The following AZIN2 variants were observed in gnomAD, a reference collection of about 807,000 sequenced individuals.
AZIN2 encodes the protein ODC antizyme inhibitor-2.
A neutral mutation model predicts 47.8 loss-of-function variants in AZIN2; 28 were observed. That is an observed-to-expected ratio of 0.59 (90% CI 0.43 to 0.80). The LOEUF (loss-of-function observed/expected upper bound fraction) is 0.80. AZIN2 is among the 30% of genes least tolerant of loss of function. The pLI is 0.00. For synonymous variants in AZIN2, 221 were observed against 239.4 expected, an observed-to-expected ratio of 0.92 and a Z score of 0.71; for missense variants, 535 against 582.5, an observed-to-expected ratio of 0.92 and a Z score of 0.84.
At chr1:33,144,796 G>A in the AZIN2 span, among the ~76,000 whole-genome samples, 2 of 152,114 alleles carry the variant, frequency 1.3e-5, no homozygotes, top group Non-Finnish European at 2.9e-5. Flanking sequence ...TTCCATACCC[G>A]TCACAGCCCA....
chr1:33,110,073 G>A (rs912296781), intron 10 of AZIN2, among the ~76,000 whole-genome samples: 9 of 152,146 alleles, frequency 5.9e-5, no homozygotes, highest in African/African-American at 1.7e-4. Context: ...TAGTGTAAGA[G>A]TCAACTAGAG....
At position 33,117,947 on chromosome 1, in the gene AZIN2, C is replaced by A. The variant is rs148829590; in HGVS notation, c.1075C>A (p.Pro359Thr). 1 of 1,613,620 alleles carries A rather than the reference C, an allele frequency of 6.2e-7. No individual in the cohort carries two copies. Among genetic ancestry groups the A allele is most frequent in the African/African-American group, 1.3e-5 (1 of 74,914 alleles). ...QPLYSSSLWG[P>T]AVDGCDCVAE... ...CCTGTACAGCAGCAGCCTGTGGGGC[C>A]CGGCGGTTGATGGCTGTGATTGCGT... The change falls in exon 11 of 12, where the codon CCG becomes ACG. Residue 359 changes from proline (P) to threonine (T), a missense_variant. Physicochemically the swap from Pro to Thr is conservative, Grantham distance 38 (BLOSUM62 -1). This residue lies in a region of AZIN2 where 4 missense variants were observed against 17.7 expected (regional missense o/e 0.23). Coordinates refer to ENST00000294517, the MANE Select transcript of AZIN2 (RefSeq NM_052998.4).
chr1:33,134,372 T>A, the AZIN2 span, among the ~76,000 whole-genome samples: 1,113 of 152,244 alleles, frequency 7.3e-3, 9 homozygotes, highest in Admixed American at 0.012. Flanking sequence ...AAGAATTAAG[T>A]GCAGGTGGAC....
In AZIN2 at chr1:33,085,776, G is replaced by A. The variant is rs116158346; in HGVS notation, c.279+1649G>A. On this transcript the variant is annotated intron_variant, in intron 5 of 11. Coordinates refer to ENST00000294517, the MANE Select transcript of AZIN2 (RefSeq NM_052998.4). Reference sequence around the variant, plus strand: ...GGCTAGTTCATGCTTTGCACACCTCGTTTTGTGCATGTCTTCCACGAAGCT... The same window carrying A: ...GGCTAGTTCATGCTTTGCACACCTCATTTTGTGCATGTCTTCCACGAAGCT... Among the ~76,000 whole-genome samples, 557 of 152,264 alleles carry A rather than the reference G, an allele frequency of 3.7e-3. 2 individuals are homozygous for A. Among genetic ancestry groups the A allele is most frequent in the African/African-American group, 0.012 (501 of 41,558 alleles).
chr1:33,089,514 G>A (rs1314853523), intron 5 of AZIN2, among the ~76,000 whole-genome samples: 5 of 152,172 alleles, frequency 3.3e-5, no homozygotes, highest in Admixed American at 3.3e-4. Context: ...TGCTAACACT[G>A]CTTCTTCCTC....
At chr1:33,146,970 G>C in the AZIN2 span, 1 of 608,660 alleles carries the variant, frequency 1.6e-6, no homozygotes, top group Non-Finnish European at 2.9e-6. Flanking sequence ...CCCTATCAAG[G>C]TCAGAGCTAC....
chr1:33,128,688 G>T, the AZIN2 span, among the ~76,000 whole-genome samples: 2 of 152,072 alleles, frequency 1.3e-5, no homozygotes, highest in Non-Finnish European at 2.9e-5. Context: ...CTGCTCTCTG[G>T]GCATTTTTGT....
rs750459884 is a variant in AZIN2 at position 33,084,040 on chromosome 1, G to A, written c.192G>A (p.Arg64=). The change falls in exon 5 of 12, where the codon CGG becomes CGA. Residue 64 remains arginine (R), a synonymous_variant. Coordinates refer to ENST00000294517, the MANE Select transcript of AZIN2 (RefSeq NM_052998.4). ...TTCTGAAGTGCCTGCCACGAGTCCG[G>A]CCCTTTTATGCTGTCAAGTGCAACA... is the stretch of plus-strand genomic sequence containing the variant. The part of the protein sequence containing the change: ...FCFLKCLPRV[R]PFYAVKCNSS... 8 of 1,614,016 alleles carry A rather than the reference G, an allele frequency of 5.0e-6. No homozygotes were observed. In the Admixed American group the frequency reaches 1.2e-4, roughly 24 times the overall value.
chr1:33,166,729 G>A, the AZIN2 span, among the ~76,000 whole-genome samples: 3 of 152,028 alleles, frequency 2.0e-5, no homozygotes, highest in Non-Finnish European at 2.9e-5. Flanking sequence ...TGACTCCTGC[G>A]ATGAATAACA....
At position 33,088,216 on chromosome 1, in the gene AZIN2, G is replaced by A. The variant is rs978089854; in HGVS notation, c.280-3834G>A. ...TGATACGAGGAGATGCCTGGAACCC[G>A]GCATGTTCAAATGTGCTCCTGATGT... On this transcript the variant is annotated intron_variant, in intron 5 of 11. Coordinates refer to ENST00000294517, the MANE Select transcript of AZIN2 (RefSeq NM_052998.4). Among the ~76,000 whole-genome samples, 9 of 152,142 alleles carry A rather than the reference G, an allele frequency of 5.9e-5. No individual in the cohort carries two copies. The East Asian group carries it at 9.6e-4, about 16-fold the overall frequency.
At chr1:33,096,638 T>C in intron 8 of AZIN2, 69 bp from the exon 9 acceptor site, 9 of 1,559,702 alleles carry the variant, frequency 5.8e-6, no homozygotes, top group Non-Finnish European at 7.9e-6. Context: ...GACTTGGAGC[T>C]GTAGCAAGTC....
At chr1:33,158,047 G>C in the AZIN2 span, among the ~76,000 whole-genome samples, 2 of 152,272 alleles carry the variant, frequency 1.3e-5, no homozygotes, top group African/African-American at 4.8e-5. Context: ...GAGCCACCAC[G>C]CCCAGCCATC....
chr1:33,085,456 C>G (rs141526435), intron 5 of AZIN2, among the ~76,000 whole-genome samples: 1,909 of 152,050 alleles, frequency 0.013, 27 homozygotes, highest in Non-Finnish European at 0.019. Context: ...GCAGCAGGAA[C>G]AGCAGGTGCA....
chr1:33,083,950 T>C lies in AZIN2; in HGVS notation c.106-4T>C, dbSNP rs369937478. On this transcript the variant is annotated splice_polypyrimidine_tract_variant and splice_region_variant and intron_variant, in intron 4 of 11. Transcript: ENST00000294517. ...CTCACATTCATCCACTTCTTGTCAT[T>C]CAGGACGAGGTAGCTGCCTTCTTCG... 1 of 1,613,960 alleles carries C rather than the reference T, an allele frequency of 6.2e-7. No homozygotes were observed. Among genetic ancestry groups the C allele is most frequent in the African/African-American group, 1.3e-5 (1 of 74,942 alleles).
chr1:33,082,789 G>C (rs1420434677), intron 4 of AZIN2: 1 of 163,700 alleles, frequency 6.1e-6, no homozygotes, highest in Non-Finnish European at 1.4e-5. Flanking sequence ...ATCTGAATTT[G>C]GCAATTCTCC....
At chr1:33,165,805 T>G in the AZIN2 span, 6 of 355,838 alleles carry the variant, frequency 1.7e-5, no homozygotes, top group East Asian at 1.3e-4. This position sits in a 1 kb window ranked among gnomAD's most constrained non-coding sequence, Gnocchi z 4.0. Context: ...TTGGCCACCC[T>G]AGAGGCTTCT....
intron 5 of AZIN2, among the ~76,000 whole-genome samples, chr1:33,086,612 G>A (rs1032328804): frequency 1.3e-4 from 20 of 152,346 alleles, no homozygotes; most frequent in African/African-American, 4.3e-4. Flanking sequence ...AGGGCCTGGC[G>A]TAAGCTAGGG....
chr1:33,118,349 GAT>G (rs1644661092), intron 11 of AZIN2: 4 of 437,922 alleles, frequency 9.1e-6, no homozygotes, highest in Non-Finnish European at 1.6e-5. Flanking sequence ...AGGCCCTTGT[GAT>G]AATACTGTGC....
At chr1:33,164,462 G>A in the AZIN2 span, 2 of 152,378 alleles carry the variant, frequency 1.3e-5, no homozygotes, top group East Asian at 3.8e-4. Flanking sequence ...GACTGAGCCT[G>A]GCAGTCCCCA....
Sources: allele counts gnomAD v4.1 joint callset (sites outside exome capture counted in the v4.1 genomes callset), GRCh38; gene constraint gnomAD v4.1.1; regional missense constraint gnomAD v4.1.1; non-coding constraint Gnocchi (gnomAD v3.1); transcripts MANE v1.5; gene names NCBI Gene and HGNC (gene_info 2026-07-23, HGNC 2026-07-21).